MYT1L: variants seen among roughly 807,000 people sequenced by gnomAD.
The protein encoded by MYT1L is myelin transcription factor 1 like, also known as myelin transcription factor 1-like protein.
A neutral mutation model predicts 126.7 loss-of-function variants in MYT1L; 12 were observed. The ratio of observed to expected loss-of-function variants is 0.09; its 90% confidence interval spans 0.06 to 0.15. The LOEUF is 0.15. Among genes scored for constraint, MYT1L ranks in the 10% least tolerant of loss-of-function variants. The pLI is 1.00. For missense variants in MYT1L, 979 were observed against 1,585.2 expected (o/e 0.62, Z 6.49); for synonymous variants, 541 against 604.2 (o/e 0.90, Z 1.53).
intron 8 of MYT1L, among the ~76,000 whole-genome samples, chr2:1,957,473 C>T (rs150354247): frequency 1.5e-4 from 23 of 151,768 alleles, no homozygotes; most frequent in African/African-American, 3.6e-4. Context: ...ATTGTTCTTA[C>T]GCCTTTGCGT....
intron 9 of MYT1L, among the ~76,000 whole-genome samples, chr2:1,940,629 C>A (rs1021750108): frequency 1.8e-4 from 28 of 152,274 alleles, no homozygotes; most frequent in African/African-American, 6.8e-4. Flanking sequence ...CAACATCTCC[C>A]TGTGGCTGCA....
intron 4 of MYT1L, among the ~76,000 whole-genome samples, chr2:2,017,364 C>T (rs1214426660): frequency 6.6e-6 from 1 of 152,244 alleles, no homozygotes; most frequent in South Asian, 2.1e-4. Flanking sequence ...TGATTGATAA[C>T]AAGTCCATGT....
At chr2:1,964,835 G>T (rs2059215697) in intron 8 of MYT1L, among the ~76,000 whole-genome samples, 1 of 152,172 alleles carries the variant, frequency 6.6e-6, no homozygotes, top group African/African-American at 2.4e-5. Context: ...AAGGCTTCCA[G>T]AGGCAGGTCT....
intron 1 of MYT1L, among the ~76,000 whole-genome samples, chr2:2,319,540 C>G (rs1302460886): frequency 6.6e-6 from 1 of 151,986 alleles, no homozygotes; most frequent in Non-Finnish European, 1.5e-5. Flanking sequence ...ATCATACGTG[C>G]CGTTGAATAG....
chr2:2,283,711 A>G (rs888358997), intron 2 of MYT1L, among the ~76,000 whole-genome samples: 4 of 152,210 alleles, frequency 2.6e-5, no homozygotes, highest in African/African-American at 9.7e-5. Flanking sequence ...CTACTCTTTC[A>G]TGCAGCTGAA....
At chr2:1,983,831 GGA>G (rs1469977981) in intron 5 of MYT1L, among the ~76,000 whole-genome samples, 8 of 152,144 alleles carry the variant, frequency 5.3e-5, no homozygotes, top group African/African-American at 1.9e-4. Context: ...CCTTGGAACT[GGA>G]GAAAGTTCAC....
At chr2:2,269,378 C>T (rs912496011) in intron 2 of MYT1L, among the ~76,000 whole-genome samples, 3 of 152,188 alleles carry the variant, frequency 2.0e-5, no homozygotes, top group Non-Finnish European at 4.4e-5. Context: ...CTGAGCAGCA[C>T]CGCAATAGCA....
intron 8 of MYT1L, among the ~76,000 whole-genome samples, chr2:1,963,107 T>C (rs1404458098): frequency 6.6e-6 from 1 of 152,240 alleles, no homozygotes; most frequent in Non-Finnish European, 1.5e-5. Context: ...AAATTAATCC[T>C]GACCCATGGG....
rs767407321 is a variant in MYT1L at position 1,889,247 on chromosome 2, G to C, written c.2514C>G (p.Asp838Glu). The C allele has an allele frequency of 1.1e-5, 17 of 1,613,508 alleles. No homozygotes were observed. The African/African-American group carries it at 2.0e-4, about 19-fold the overall frequency. Residue 838 changes from aspartate to glutamate, a missense_variant, in exon 16 of 25, where the codon GAC (aspartate) becomes GAG (glutamate). This residue lies in a region of MYT1L where 141 missense variants were observed against 170.6 expected (regional missense o/e 0.83). Transcript: ENST00000647738. This position sits in a 1 kb window ranked among gnomAD's most constrained non-coding sequence, Gnocchi z 4.1. ...CTCAATGAAAAGGACATACAGTAAT[G>C]TCTTTGGACTCGTCCTCGTCTATCC... Reference protein sequence around the residue: ...PRRIDEDESKDITPEDLDPFQ... With the variant: ...PRRIDEDESKEITPEDLDPFQ...
chr2:2,045,568 A>G (rs1202604733), intron 4 of MYT1L, among the ~76,000 whole-genome samples: 2 of 152,200 alleles, frequency 1.3e-5, no homozygotes, highest in African/African-American at 2.4e-5. Context: ...CACCCCTCTC[A>G]TATTTTATTT....
chr2:1,927,213 A>T lies in MYT1L; in HGVS notation c.506-3950T>A, dbSNP rs557637740. 1.3e-4 allele frequency among the ~76,000 whole-genome samples: 20 copies of T among 152,056 alleles called. No homozygotes were observed. In the South Asian group the frequency reaches 4.1e-3, roughly 31 times the overall value. On this transcript the variant is annotated intron_variant, in intron 9 of 24. Transcript: ENST00000647738. Reference sequence around the variant, plus strand: ...AAATTGAGCCCAGAAGACAGAGCCCATTCAGTGGCTGATCTCATGGGCTCT... The same window carrying T: ...AAATTGAGCCCAGAAGACAGAGCCCTTTCAGTGGCTGATCTCATGGGCTCT...
At chr2:2,180,994 T>C (rs1246376034) in intron 2 of MYT1L, among the ~76,000 whole-genome samples, 1 of 142,918 alleles carries the variant, frequency 7.0e-6, no homozygotes, top group African/African-American at 2.6e-5. Flanking sequence ...CTGTGTGTGC[T>C]TGTGTATGTA....
chr2:1,867,178 G>A (rs1558212707), intron 18 of MYT1L, among the ~76,000 whole-genome samples: 1 of 152,054 alleles, frequency 6.6e-6, no homozygotes, highest in African/African-American at 2.4e-5. Context: ...TCAGCCCCAG[G>A]AAGTCACTGA....
At chr2:2,094,052 C>G (rs1424459817) in intron 3 of MYT1L, among the ~76,000 whole-genome samples, 1 of 152,134 alleles carries the variant, frequency 6.6e-6, no homozygotes, top group Non-Finnish European at 1.5e-5. Context: ...TGGTCTATAT[C>G]TCTATTTCAG....
intron 3 of MYT1L, among the ~76,000 whole-genome samples, chr2:2,162,141 A>C (rs1404668132): frequency 6.6e-6 from 1 of 152,192 alleles, no homozygotes; most frequent in Non-Finnish European, 1.5e-5. Flanking sequence ...CAAGCTCACC[A>C]GAGTCCTCCC....
Position 1,874,752 on chromosome 2 carries a change from C to T in MYT1L, c.2711+11787G>A, listed in dbSNP as rs181214960. Among the ~76,000 whole-genome samples the T allele has an allele frequency of 9.8e-5, 15 of 152,338 alleles. No individual in the cohort carries two copies. In the South Asian group the frequency reaches 1.9e-3, roughly 19 times the overall value. Reference sequence around the variant, plus strand: ...GCAACCTGATCCCACTTGCAGGCAACTCCAGCAGCCAGTCTTACAGCTGTC... The same window carrying T: ...GCAACCTGATCCCACTTGCAGGCAATTCCAGCAGCCAGTCTTACAGCTGTC... On this transcript the variant is annotated intron_variant, in intron 18 of 24. Coordinates refer to ENST00000647738, the MANE Select transcript of MYT1L (RefSeq NM_001303052.2).
At chr2:2,220,374 A>C (rs897367580) in intron 2 of MYT1L, among the ~76,000 whole-genome samples, 2 of 152,166 alleles carry the variant, frequency 1.3e-5, no homozygotes, top group African/African-American at 4.8e-5. Context: ...TTTCTGATTG[A>C]CAAGTGGCTG....
chr2:1,910,431 A>G lies in MYT1L; in HGVS notation c.1710-84T>C. 1 of 1,266,302 alleles carries G rather than the reference A, an allele frequency of 7.9e-7. No individual in the cohort carries two copies. The highest frequency in any genetic ancestry group is 1.1e-6 in the Non-Finnish European group (1 of 889,676). 78.4% of individuals were successfully genotyped at this position (1,266,302 alleles called of 1,614,324 possible). On this transcript the variant is annotated intron_variant, in intron 12 of 24. Transcript: ENST00000647738. This position sits in a 1 kb window ranked among gnomAD's most constrained non-coding sequence, Gnocchi z 4.8. Reference sequence around the variant, plus strand: ...ATCCTCCCTTAGCACCAAGACCCTGATGCAGGTGGAGCTGGTGAGGGAGGG... The same window carrying G: ...ATCCTCCCTTAGCACCAAGACCCTGGTGCAGGTGGAGCTGGTGAGGGAGGG...
At chr2:2,168,835 C>G (rs550540032) in intron 3 of MYT1L, among the ~76,000 whole-genome samples, 1 of 152,218 alleles carries the variant, frequency 6.6e-6, no homozygotes, top group South Asian at 2.1e-4. Context: ...GAGGCCAGAC[C>G]CAACTCAAAA....
Sources: gnomAD v4.1 joint callset for allele counts (sites outside exome capture counted in the v4.1 genomes callset) on GRCh38, gnomAD v4.1.1 for gene constraint, gnomAD v4.1.1 regional missense constraint, Gnocchi (gnomAD v3.1) non-coding constraint, MANE v1.5 for transcripts, NCBI Gene and HGNC (gene_info 2026-07-23, HGNC 2026-07-21) for gene names.